SLC16A10: variants seen among roughly 807,000 people sequenced by gnomAD.
SLC16A10 encodes monocarboxylate transporter 10.
In SLC16A10, 27 loss-of-function variants were observed where a neutral mutation model predicts 40.0. The observed-to-expected ratio is 0.67, with a 90% CI of 0.50 to 0.93. The LOEUF is 0.93. Ranked by LOEUF, SLC16A10 falls within the 40% of genes least tolerant of loss-of-function variation. The probability of loss-of-function intolerance (pLI) is 0.00; values close to 1 mark genes in which losing one functional copy is unlikely to be tolerated. For missense variants in SLC16A10, 529 were observed against 658.2 expected (o/e 0.80, Z 2.15); for synonymous variants, 213 against 249.8 (o/e 0.85, Z 1.39).
chr6:111,162,122 C>T (rs1324176257), intron 1 of SLC16A10, among the ~76,000 whole-genome samples: 1 of 152,218 alleles, frequency 6.6e-6, no homozygotes, highest in Non-Finnish European at 1.5e-5. Context: ...CTCCAGTCCT[C>T]ATTTTTGTTA....
intron 1 of SLC16A10, among the ~76,000 whole-genome samples, chr6:111,164,670 CA>C (rs1424102487): frequency 6.6e-6 from 1 of 152,118 alleles, no homozygotes; most frequent in Admixed American, 6.5e-5. Flanking sequence ...GAGGGTGAGG[CA>C]GGAGAATCAC....
chr6:111,092,558 C>T lies in SLC16A10; in HGVS notation c.343+4463C>T, dbSNP rs575231317. Among the ~76,000 whole-genome samples the T allele has an allele frequency of 4.6e-4, 69 of 150,378 alleles. 1 individual carries two copies. The highest frequency in any genetic ancestry group is 5.9e-4 in the Non-Finnish European group (40 of 67,628). On this transcript the variant is annotated intron_variant, in intron 1 of 5. Coordinates refer to ENST00000368851, the MANE Select transcript of SLC16A10 (RefSeq NM_018593.5). ...CTCAAACTCCTGACCTCGTGATCCA[C>T]CTGCCTCGGCTTCCCAAAGTGCTGG...
At chr6:111,154,858 T>C (rs1772239022) in intron 1 of SLC16A10, among the ~76,000 whole-genome samples, 1 of 151,806 alleles carries the variant, frequency 6.6e-6, no homozygotes, top group South Asian at 2.1e-4. Flanking sequence ...ACCCTGTCTT[T>C]ACTAAAAATA....
At chr6:111,174,334 A>G (rs558176660) in intron 2 of SLC16A10, among the ~76,000 whole-genome samples, 1 of 152,192 alleles carries the variant, frequency 6.6e-6, no homozygotes, top group East Asian at 1.9e-4. Context: ...ATATTTAATC[A>G]ACAGAATCCT....
intron 1 of SLC16A10, among the ~76,000 whole-genome samples, chr6:111,104,907 A>G (rs898811851): frequency 6.6e-6 from 1 of 152,132 alleles, no homozygotes; most frequent in African/African-American, 2.4e-5. Flanking sequence ...TAAAAAAAAA[A>G]AAAAGTAATA....
At chr6:111,180,907 A>G (rs72939559) in intron 3 of SLC16A10, among the ~76,000 whole-genome samples, 4,811 of 152,274 alleles carry the variant, frequency 0.032, 101 homozygotes, top group Middle Eastern at 0.12. Context: ...GCAGTATTGT[A>G]TAGTGGTTTA....
chr6:111,097,511 G>A (rs1000130359), intron 1 of SLC16A10, among the ~76,000 whole-genome samples: 2 of 151,464 alleles, frequency 1.3e-5, no homozygotes, highest in Non-Finnish European at 2.9e-5. Context: ...GTAGGGTTTC[G>A]CCATGTTGGT....
At chr6:111,127,285 TCA>T (rs958373186) in intron 1 of SLC16A10, among the ~76,000 whole-genome samples, 1 of 152,226 alleles carries the variant, frequency 6.6e-6, no homozygotes, top group Non-Finnish European at 1.5e-5. Context: ...GGAAGTCCTA[TCA>T]CACGAAGTGG....
intron 1 of SLC16A10, among the ~76,000 whole-genome samples, chr6:111,094,657 G>C (rs1258435112): frequency 6.6e-6 from 1 of 151,386 alleles, no homozygotes; most frequent in Non-Finnish European, 1.5e-5. Context: ...TTATTTTTTG[G>C]GATAGGGCCT....
chr6:111,193,272 C>T (rs756160053), intron 3 of SLC16A10: 119 of 985,384 alleles, frequency 1.2e-4, no homozygotes, highest in Non-Finnish European at 1.3e-4. Flanking sequence ...CTTTTCTAAC[C>T]TTGCATTTAT....
At chr6:111,097,609 C>T (rs754128764) in intron 1 of SLC16A10, among the ~76,000 whole-genome samples, 4 of 152,070 alleles carry the variant, frequency 2.6e-5, no homozygotes, top group Non-Finnish European at 4.4e-5. Flanking sequence ...CCACCATGCC[C>T]GGCCAAGCTT....
intron 1 of SLC16A10, among the ~76,000 whole-genome samples, chr6:111,125,424 G>T (rs564033320): frequency 3.3e-5 from 5 of 152,160 alleles, no homozygotes; most frequent in African/African-American, 1.2e-4. Flanking sequence ...GGAAAACCAG[G>T]ACACATTTAT....
rs561724585 is a variant in SLC16A10, at chr6:111,226,760, C to T, written c.*4525C>T. 15 of 152,288 alleles carry T rather than the reference C, an allele frequency of 9.8e-5. No homozygotes were observed. The highest frequency in any genetic ancestry group is 3.4e-3 in the Middle Eastern group (1 of 294). The allele number at this position is 152,288 out of a possible 1,614,324, so 9.4% of individuals were successfully genotyped here. Reference sequence around the variant, plus strand: ...TTTTTGTCTTGTTATGAAAACAAAACGCAATTTGTCATTCATAATGGTAAT... The same window carrying T: ...TTTTTGTCTTGTTATGAAAACAAAATGCAATTTGTCATTCATAATGGTAAT... On this transcript the variant is annotated 3_prime_UTR_variant, in exon 6 of 6. Transcript: ENST00000368851.
At position 111,227,227 on chromosome 6, in the gene SLC16A10, T is replaced by C. The variant is rs1150076; in HGVS notation, c.*4992T>C. 0.82 allele frequency: 125,100 copies of C among 152,226 alleles called. 51,626 individuals are homozygous for C. The highest frequency in any genetic ancestry group is 0.87 in the South Asian group (4,198 of 4,826). The allele number at this position is 152,226 out of a possible 1,614,324, so 9.4% of individuals were successfully genotyped here. On this transcript the variant is annotated 3_prime_UTR_variant, in exon 6 of 6. Transcript: ENST00000368851. ...CTAGAGCTGAATTTAAGAATGGTTCTGGAGCAAATAATAACAAGGTAGACA... is the reference window on the plus strand; with the variant it reads ...CTAGAGCTGAATTTAAGAATGGTTCCGGAGCAAATAATAACAAGGTAGACA...
At chr6:111,206,526 C>G in intron 3 of SLC16A10, 66 bp from the exon 4 acceptor site, 1 of 1,584,782 alleles carries the variant, frequency 6.3e-7, no homozygotes, top group Non-Finnish European at 8.6e-7. Context: ...GCATTTGATG[C>G]AAAGCCTCAA....
At chr6:111,142,025 ACTT>A (rs10636967) in intron 1 of SLC16A10, among the ~76,000 whole-genome samples, 28 of 151,772 alleles carry the variant, frequency 1.8e-4, no homozygotes, top group Non-Finnish European at 3.5e-4. Context: ...TAAAGTCTCT[ACTT>A]CTTCTTCAAT....
At chr6:111,092,678 A>G (rs1401033440) in intron 1 of SLC16A10, among the ~76,000 whole-genome samples, 1 of 151,956 alleles carries the variant, frequency 6.6e-6, no homozygotes, top group African/African-American at 2.4e-5. Flanking sequence ...CTAGGTAGAG[A>G]GGAATCAGAC....
At chr6:111,142,297 AT>A (rs1390915046) in intron 1 of SLC16A10, among the ~76,000 whole-genome samples, 3 of 152,224 alleles carry the variant, frequency 2.0e-5, no homozygotes, top group African/African-American at 7.2e-5. Flanking sequence ...TGCTGTTGGA[AT>A]AACTGGATGT....
At chr6:111,138,707 A>G (rs1300793578) in intron 1 of SLC16A10, among the ~76,000 whole-genome samples, 2 of 151,946 alleles carry the variant, frequency 1.3e-5, no homozygotes, top group Non-Finnish European at 2.9e-5. Context: ...GCTGGATTCA[A>G]ACTCCGGGGC....
Sources: allele counts gnomAD v4.1 joint callset (sites outside exome capture counted in the v4.1 genomes callset), GRCh38; gene constraint gnomAD v4.1.1; transcripts MANE v1.5; gene names NCBI Gene and HGNC (gene_info 2026-07-23, HGNC 2026-07-21).